The following SCCPDH variants were observed in gnomAD, a reference collection of about 807,000 sequenced individuals.
SCCPDH encodes the protein saccharopine dehydrogenase (putative), also known as saccharopine dehydrogenase-like oxidoreductase.
In SCCPDH, 34 loss-of-function variants were observed where a neutral mutation model predicts 51.5. That is an observed-to-expected ratio of 0.66 (90% CI 0.50 to 0.88). SCCPDH has a LOEUF of 0.88. Ranked by LOEUF, SCCPDH falls within the 40% of genes least tolerant of loss-of-function variation. The pLI is 0.00. For missense variants in SCCPDH, 464 were observed against 527.1 expected (o/e 0.88, Z 1.17); for synonymous variants, 187 against 191.3 (o/e 0.98, Z 0.19).
At chr1:246,766,471 A>G (rs138818914) in intron 11 of SCCPDH, among the ~76,000 whole-genome samples, 238 of 152,072 alleles carry the variant, frequency 1.6e-3, no homozygotes, top group Non-Finnish European at 3.0e-3. Context: ...GGAGCTTCCA[A>G]TCAGTGCCTA....
At position 246,764,369 on chromosome 1, in the gene SCCPDH, A is replaced by G; in HGVS notation, c.1102+12A>G. 1.4e-6 allele frequency: 2 copies of G among 1,469,482 alleles called. No individual in the cohort carries two copies. Among genetic ancestry groups the G allele is most frequent in the South Asian group, 1.2e-5 (1 of 86,860 alleles). The allele number at this position is 1,469,482 out of a possible 1,614,324, so 91.0% of individuals were successfully genotyped here. A position where few individuals can be genotyped will look rare whatever the true frequency, so the allele number is the denominator to read the frequency against. ...GGTGAAAGGACCAGGTATTTCACAT[A>G]TCACTTAAGAATGCTTGGGAATTTT... On this transcript the variant is annotated intron_variant, in intron 10 of 11. Transcript: ENST00000366510.
At chr1:246,728,825 A>T (rs1668440903) in intron 2 of SCCPDH, among the ~76,000 whole-genome samples, 1 of 152,192 alleles carries the variant, frequency 6.6e-6, no homozygotes, top group Non-Finnish European at 1.5e-5. Flanking sequence ...TGTTACAAGG[A>T]AAAACTGGTC....
chr1:246,750,422 G>GGGGCA (rs1177804563), intron 5 of SCCPDH, among the ~76,000 whole-genome samples: 1 of 151,878 alleles, frequency 6.6e-6, no homozygotes, highest in African/African-American at 2.4e-5. Flanking sequence ...ATCTTTCCGA[G>GGGGCA]GGGCAGTTCA....
intron 2 of SCCPDH, among the ~76,000 whole-genome samples, chr1:246,734,670 A>G (rs1668542009): frequency 6.6e-6 from 1 of 152,174 alleles, no homozygotes; most frequent in Admixed American, 6.5e-5. Flanking sequence ...GTAAAGGTCG[A>G]TTGTGTCTTT....
At chr1:246,744,379 C>T (rs1668726184) in intron 5 of SCCPDH, among the ~76,000 whole-genome samples, 1 of 152,144 alleles carries the variant, frequency 6.6e-6, no homozygotes, top group Non-Finnish European at 1.5e-5. Context: ...AGTGCAATGG[C>T]ATGATCTCGG....
chr1:246,751,835 G>A (rs1178121763), intron 5 of SCCPDH, among the ~76,000 whole-genome samples: 1 of 149,242 alleles, frequency 6.7e-6, no homozygotes, highest in African/African-American at 2.5e-5. Flanking sequence ...GTGCAGTGGC[G>A]CAGTCTCAGC....
chr1:246,766,050 T>C lies in SCCPDH; in HGVS notation c.1103-8T>C, dbSNP rs1034270484. 9 of 1,593,250 alleles carry C rather than the reference T, an allele frequency of 5.6e-6. No individual in the cohort carries two copies. The highest frequency in any genetic ancestry group is 6.8e-6 in the Non-Finnish European group (8 of 1,170,046). On this transcript the variant is annotated splice_region_variant and splice_polypyrimidine_tract_variant and intron_variant, in intron 10 of 11. Transcript: ENST00000366510. ...CTTTCTTTTTCCCTGATCAACTGTT[T>C]TCTGCAGAGGCTGGCTATGTGGCTA...
At chr1:246,739,153 G>A (rs1399411644) in intron 3 of SCCPDH, among the ~76,000 whole-genome samples, 1 of 152,086 alleles carries the variant, frequency 6.6e-6, no homozygotes, top group Admixed American at 6.6e-5. Context: ...GTGTTTGTGT[G>A]TCACCTTCTG....
At chr1:246,750,747 G>A (rs1032360137) in intron 5 of SCCPDH, among the ~76,000 whole-genome samples, 5 of 152,196 alleles carry the variant, frequency 3.3e-5, no homozygotes, top group African/African-American at 1.2e-4. Flanking sequence ...TGTACCCAAC[G>A]AGTAAGGTGA....
chr1:246,758,967 T>C, intron 6 of SCCPDH, 67 bp from the exon 7 acceptor site: 3 of 922,952 alleles, frequency 3.3e-6, no homozygotes, highest in Non-Finnish European at 1.8e-6. Flanking sequence ...GATTTGCTTA[T>C]TCAGACATTT....
At chr1:246,760,505 C>T (rs890571712) in intron 9 of SCCPDH, among the ~76,000 whole-genome samples, 11 of 152,140 alleles carry the variant, frequency 7.2e-5, no homozygotes, top group African/African-American at 2.7e-4. Context: ...CATTTAGCTC[C>T]AGAAATTGTG....
chr1:246,758,388 T>A, intron 6 of SCCPDH, 32 bp downstream of exon 6: 4 of 1,544,520 alleles, frequency 2.6e-6, no homozygotes, highest in Non-Finnish European at 3.5e-6. Context: ...TTTTTATATA[T>A]CTAGTCTAAG....
chr1:246,762,721 G>T (rs74851736), intron 9 of SCCPDH, among the ~76,000 whole-genome samples: 1 of 151,572 alleles, frequency 6.6e-6, no homozygotes, highest in Non-Finnish European at 1.5e-5. Context: ...CACGCCTGTA[G>T]TCCCAGCTAC....
rs34215381 is a variant in SCCPDH at position 246,726,401 on chromosome 1, A to AT, written c.191-475dup. Among the ~76,000 whole-genome samples the AT allele has an allele frequency of 2.0e-3, 281 of 143,986 alleles. 1 individual carries two copies. The highest frequency in any genetic ancestry group is 3.7e-3 in the Middle Eastern group (1 of 270). The allele number at this position is 143,986 out of a possible 152,430, so 94.5% of individuals were successfully genotyped here. A position where few individuals can be genotyped will look rare whatever the true frequency, so the allele number is the denominator to read the frequency against. On this transcript the variant is annotated intron_variant, in intron 1 of 11. Transcript: ENST00000366510. Reference sequence around the variant, plus strand: ...ACAGGCTATGCCACCATGTCAGATAATTTTTTTTTTTTTTTTAGTAGAGAC... The same window carrying AT: ...ACAGGCTATGCCACCATGTCAGATAATTTTTTTTTTTTTTTTTAGTAGAGAC...
chr1:246,752,714 G>A (rs1380549311), intron 5 of SCCPDH, among the ~76,000 whole-genome samples: 3 of 151,862 alleles, frequency 2.0e-5, no homozygotes, highest in Non-Finnish European at 2.9e-5. Flanking sequence ...TGTCTGCGGT[G>A]GGGAGCAAGT....
intron 7 of SCCPDH, 55 bp from the exon 8 acceptor site, chr1:246,759,902 A>G: frequency 2.6e-6 from 4 of 1,563,256 alleles, no homozygotes; most frequent in Non-Finnish European, 3.5e-6. Flanking sequence ...TAACATTCTT[A>G]CTTGGTCCAA....
chr1:246,726,367 G>T (rs1027720554), intron 1 of SCCPDH, among the ~76,000 whole-genome samples: 15 of 152,062 alleles, frequency 9.9e-5, no homozygotes, highest in African/African-American at 2.7e-4. Context: ...CTCCTGAGTA[G>T]CTGGTACTAC....
At chr1:246,745,296 C>T (rs187371696) in intron 5 of SCCPDH, among the ~76,000 whole-genome samples, 2 of 152,358 alleles carry the variant, frequency 1.3e-5, no homozygotes, top group Admixed American at 1.3e-4. Context: ...TAGGTCTGCA[C>T]TGTGGCTTCA....
Position 246,740,293 on chromosome 1 carries a change from AAATG to A in SCCPDH, c.511_514del (p.Asn171ValfsTer3). On this transcript the variant is annotated frameshift_variant, in exon 4 of 12. Coordinates refer to ENST00000366510, the MANE Select transcript of SCCPDH (RefSeq NM_016002.3). LOFTEE classifies it high-confidence loss of function. ...CTGGGAGTAATATATACCAGAAATA[AAATG>A]AATGGTAATTATTGATCAATAAGCA... The A allele has an allele frequency of 6.3e-7, 1 of 1,593,324 alleles. No homozygotes were observed. The highest frequency in any genetic ancestry group is 1.1e-5 in the South Asian group (1 of 87,930).
Sources: gnomAD v4.1 joint callset for allele counts (sites outside exome capture counted in the v4.1 genomes callset) on GRCh38, gnomAD v4.1.1 for gene constraint, MANE v1.5 for transcripts, NCBI Gene and HGNC (gene_info 2026-07-23, HGNC 2026-07-21) for gene names.